The following CNTNAP2 variants were observed in gnomAD, a reference collection of about 807,000 sequenced individuals.
The protein encoded by CNTNAP2 is contactin associated protein 2, also known as contactin-associated protein-like 2.
CNTNAP2 carries 98 observed loss-of-function variants against 155.2 expected under a neutral mutation model. That is an observed-to-expected ratio of 0.63 (90% CI 0.54 to 0.75). CNTNAP2 has a LOEUF of 0.75. Ranked by LOEUF, CNTNAP2 falls within the 30% of genes least tolerant of loss-of-function variation. The pLI is 0.00. For missense variants in CNTNAP2, 1,727 were observed against 1,688.1 expected, an observed-to-expected ratio of 1.02 and a Z score of -0.40; for synonymous variants, 651 against 631.2, an observed-to-expected ratio of 1.03 and a Z score of -0.47.
chr7:147,714,995 T>C (rs1584915766), intron 13 of CNTNAP2, among the ~76,000 whole-genome samples: 1 of 152,248 alleles, frequency 6.6e-6, no homozygotes, highest in East Asian at 1.9e-4. Flanking sequence ...TCACGCAAGA[T>C]GTTGTGTGTA....
At chr7:147,877,019 C>A (rs2708271) in intron 13 of CNTNAP2, among the ~76,000 whole-genome samples, 86,147 of 151,866 alleles carry the variant, frequency 0.57, 25,020 homozygotes, top group African/African-American at 0.69. Context: ...CAGGAGGGCC[C>A]ACGTGGGGCT....
At chr7:146,609,196 C>T (rs1799095224) in intron 1 of CNTNAP2, among the ~76,000 whole-genome samples, 1 of 152,136 alleles carries the variant, frequency 6.6e-6, no homozygotes, top group East Asian at 1.9e-4. Context: ...TCAAAAAGCA[C>T]CTAGTGTTGC....
chr7:146,469,882 C>A (rs1353776764), intron 1 of CNTNAP2, among the ~76,000 whole-genome samples: 2 of 148,464 alleles, frequency 1.3e-5, no homozygotes, highest in African/African-American at 5.0e-5. Flanking sequence ...CTCTGTCACC[C>A]AGGCTGGAGT....
intron 1 of CNTNAP2, among the ~76,000 whole-genome samples, chr7:146,555,273 C>T (rs1277615928): frequency 3.3e-5 from 5 of 152,170 alleles, no homozygotes; most frequent in Admixed American, 6.5e-5. Context: ...CATCTCACCC[C>T]TACCTTGAAA....
chr7:146,309,295 G>C (rs1800777264), intron 1 of CNTNAP2, among the ~76,000 whole-genome samples: 1 of 152,146 alleles, frequency 6.6e-6, no homozygotes, highest in Non-Finnish European at 1.5e-5. Flanking sequence ...TGCCATATGT[G>C]TTTATGTAGG....
chr7:146,994,883 T>G (rs1435772065), intron 3 of CNTNAP2, among the ~76,000 whole-genome samples: 1 of 152,090 alleles, frequency 6.6e-6, no homozygotes, highest in Non-Finnish European at 1.5e-5. Context: ...TTTGTGTTTT[T>G]TAAGAATACA....
chr7:147,894,706 T>G (rs1315267445), intron 13 of CNTNAP2, among the ~76,000 whole-genome samples: 1 of 152,020 alleles, frequency 6.6e-6, no homozygotes, highest in Non-Finnish European at 1.5e-5. Flanking sequence ...TGAAAGAAAT[T>G]AAATGTCCCA....
chr7:146,453,263 G>T (rs541655457), intron 1 of CNTNAP2, among the ~76,000 whole-genome samples: 2 of 152,164 alleles, frequency 1.3e-5, no homozygotes, highest in Non-Finnish European at 2.9e-5. Context: ...CCTGAAGCTC[G>T]CATAGAGCTC....
In CNTNAP2 at chr7:147,775,362, TAA is replaced by T. The variant is rs1221201249; in HGVS notation, c.2099-128201_2099-128200del. The stretch of plus-strand genomic sequence containing the variant: ...AAATATATATATTTATATATATTTA[TAA>T]ATATATATATATTTATATATATTTA... On this transcript the variant is annotated intron_variant, in intron 13 of 23. Coordinates refer to ENST00000361727, the MANE Select transcript of CNTNAP2 (RefSeq NM_014141.6). Among the ~76,000 whole-genome samples the T allele has an allele frequency of 1.2e-3, 62 of 50,390 alleles. 3 individuals are homozygous for T. Among genetic ancestry groups the T allele is most frequent in the African/African-American group, 3.9e-3 (23 of 5,896 alleles). 33.1% of individuals were successfully genotyped at this position (50,390 alleles called of 152,430 possible).
chr7:147,842,827 G>C (rs1395031417), intron 13 of CNTNAP2, among the ~76,000 whole-genome samples: 3 of 59,050 alleles, frequency 5.1e-5, no homozygotes, highest in African/African-American at 2.0e-4. Context: ...CCACCTATGA[G>C]TGAGAATATG....
intron 11 of CNTNAP2, among the ~76,000 whole-genome samples, chr7:147,492,440 T>C (rs1798626335): frequency 6.6e-6 from 1 of 152,330 alleles, no homozygotes; most frequent in Non-Finnish European, 1.5e-5. Context: ...TATGTTTAAA[T>C]ATTGACTAGT....
At chr7:147,927,162 A>G (rs1800411204) in intron 14 of CNTNAP2, among the ~76,000 whole-genome samples, 1 of 152,104 alleles carries the variant, frequency 6.6e-6, no homozygotes, top group African/African-American at 2.4e-5. Flanking sequence ...TGATAAAGAT[A>G]ATTTTTTTAG....
intron 1 of CNTNAP2, among the ~76,000 whole-genome samples, chr7:146,762,767 G>A (rs755639086): frequency 1.3e-5 from 2 of 152,142 alleles, no homozygotes; most frequent in East Asian, 1.9e-4. Context: ...CAGAGGAGGA[G>A]CAAAGTCATG....
At chr7:147,973,982 A>G (rs936454453) in intron 14 of CNTNAP2, among the ~76,000 whole-genome samples, 2 of 152,194 alleles carry the variant, frequency 1.3e-5, no homozygotes, top group African/African-American at 4.8e-5. Flanking sequence ...AAACATTTTC[A>G]TAAAACGTGG....
intron 12 of CNTNAP2, among the ~76,000 whole-genome samples, chr7:147,634,471 G>A (rs1367409922): frequency 1.3e-5 from 2 of 152,058 alleles, no homozygotes; most frequent in Non-Finnish European, 2.9e-5. Flanking sequence ...TGGGGTGAGG[G>A]ATAAAAGACT....
intron 3 of CNTNAP2, among the ~76,000 whole-genome samples, chr7:146,919,923 C>G (rs150007222): frequency 2.6e-5 from 4 of 152,314 alleles, no homozygotes; most frequent in African/African-American, 7.2e-5. Flanking sequence ...CTCTGTCCAT[C>G]TAAGTGGGAG....
chr7:147,369,946 T>C (rs1796314141), intron 9 of CNTNAP2, among the ~76,000 whole-genome samples: 1 of 152,220 alleles, frequency 6.6e-6, no homozygotes, highest in Non-Finnish European at 1.5e-5. Flanking sequence ...TCACACGTGG[T>C]CGGTCCTTGC....
intron 13 of CNTNAP2, among the ~76,000 whole-genome samples, chr7:147,855,695 T>C (rs954746766): frequency 6.6e-6 from 1 of 152,150 alleles, no homozygotes; most frequent in African/African-American, 2.4e-5. Context: ...TCTTTTACTC[T>C]CTATTTTCCT....
At chr7:146,282,561 T>G (rs533755394) in intron 1 of CNTNAP2, among the ~76,000 whole-genome samples, 1 of 152,306 alleles carries the variant, frequency 6.6e-6, no homozygotes, top group Non-Finnish European at 1.5e-5. Flanking sequence ...ATTAATGAAG[T>G]TTTAAAAACT....
Sources: gnomAD v4.1 joint callset for allele counts (sites outside exome capture counted in the v4.1 genomes callset) on GRCh38, gnomAD v4.1.1 for gene constraint, MANE v1.5 for transcripts, NCBI Gene and HGNC (gene_info 2026-07-23, HGNC 2026-07-21) for gene names.